ARSB: variants seen among roughly 807,000 people sequenced by gnomAD.
ARSB encodes the protein N-acetylgalactosamine-4-sulfatase.
In ARSB, 41 loss-of-function variants were observed where a neutral mutation model predicts 50.9. That is an observed-to-expected ratio of 0.81 (90% CI 0.63 to 1.04). ARSB has a LOEUF of 1.04. Among genes scored for constraint, ARSB ranks in the 50% least tolerant of loss-of-function variants. ARSB has a pLI of 0.00. For missense variants in ARSB, 672 were observed against 693.3 expected (o/e 0.97, Z 0.35); for synonymous variants, 269 against 284.8 (o/e 0.94, Z 0.56).
intron 6 of ARSB, among the ~76,000 whole-genome samples, chr5:78,790,583 T>C (rs778825982): frequency 6.6e-5 from 10 of 152,220 alleles, no homozygotes; most frequent in Non-Finnish European, 1.2e-4. Flanking sequence ...TAATATCTAA[T>C]ACTTAAATAC....
intron 3 of ARSB, among the ~76,000 whole-genome samples, chr5:78,955,769 A>C (rs1236959079): frequency 6.6e-6 from 1 of 152,178 alleles, no homozygotes; most frequent in African/African-American, 2.4e-5. Context: ...AAAGGCAATA[A>C]ACACATGTAA....
intron 5 of ARSB, among the ~76,000 whole-genome samples, chr5:78,841,553 C>G (rs55875730): frequency 0.14 from 20,803 of 152,060 alleles, 1,493 homozygotes; most frequent in Middle Eastern, 0.2. Context: ...AGGTTGAAAA[C>G]TCAAAAATTT....
chr5:78,942,875 T>TGG (rs758566251), intron 4 of ARSB, among the ~76,000 whole-genome samples: 2 of 152,296 alleles, frequency 1.3e-5, no homozygotes, highest in Non-Finnish European at 2.9e-5. Flanking sequence ...ATGTTAACAG[T>TGG]GGGGTGTTAA....
intron 1 of ARSB, among the ~76,000 whole-genome samples, chr5:78,969,724 C>T (rs761999984): frequency 6.6e-6 from 1 of 152,168 alleles, no homozygotes; most frequent in African/African-American, 2.4e-5. Flanking sequence ...TCAAGTGATT[C>T]TCCTGCCTCA....
intron 5 of ARSB, among the ~76,000 whole-genome samples, chr5:78,850,881 T>C (rs1042792357): frequency 1.3e-5 from 2 of 152,236 alleles, no homozygotes; most frequent in Non-Finnish European, 2.9e-5. Context: ...TGGTAGTTTG[T>C]ATTTCTGTGG....
intron 5 of ARSB, among the ~76,000 whole-genome samples, chr5:78,857,694 T>A (rs1307006328): frequency 6.6e-6 from 1 of 152,130 alleles, no homozygotes; most frequent in Non-Finnish European, 1.5e-5. Context: ...TTTACCCCCA[T>A]CCCAGCACAT....
intron 1 of ARSB, among the ~76,000 whole-genome samples, chr5:78,970,030 A>G (rs1171708156): frequency 1.3e-5 from 2 of 152,244 alleles, no homozygotes; most frequent in African/African-American, 4.8e-5. Flanking sequence ...CGGCCATCTG[A>G]CTGCTGCTTG....
intron 6 of ARSB, among the ~76,000 whole-genome samples, chr5:78,787,091 C>CATCTATCTATCT (rs143701672): frequency 0.046 from 5,848 of 128,006 alleles, 134 homozygotes; most frequent in South Asian, 0.097. Context: ...AATCGATAAC[C>CATCTATCTATCT]ATCTATCTAT....
chr5:78,830,706 T>A (rs545130920), intron 6 of ARSB, among the ~76,000 whole-genome samples: 4 of 152,312 alleles, frequency 2.6e-5, no homozygotes, highest in African/African-American at 9.6e-5. Context: ...CAGACTTTAG[T>A]GCTCCCCAAA....
intron 4 of ARSB, among the ~76,000 whole-genome samples, chr5:78,919,204 A>G (rs1018168583): frequency 6.6e-6 from 1 of 152,224 alleles, no homozygotes; most frequent in Non-Finnish European, 1.5e-5. Flanking sequence ...TGTGACCCAC[A>G]CTGGAGAATG....
intron 5 of ARSB, among the ~76,000 whole-genome samples, chr5:78,860,320 A>G (rs112780701): frequency 0.025 from 3,849 of 152,262 alleles, 111 homozygotes; most frequent in South Asian, 0.11. Flanking sequence ...TATTGGGTGC[A>G]TATATATTTA....
intron 5 of ARSB, among the ~76,000 whole-genome samples, chr5:78,867,805 G>A (rs1325672800): frequency 6.6e-6 from 1 of 151,176 alleles, no homozygotes; most frequent in Non-Finnish European, 1.5e-5. Context: ...GAACAAAGCT[G>A]GATGGAGAAT....
rs1752891409 is a variant in ARSB at position 78,981,246 on chromosome 5, G to GAGTGTAGAGA, written c.312+3690_312+3691insTCTCTACACT. Among the ~76,000 whole-genome samples, 3 of 4,664 alleles carry GAGTGTAGAGA rather than the reference G, an allele frequency of 6.4e-4. 1 individual carries two copies. Among genetic ancestry groups the GAGTGTAGAGA allele is most frequent in the Admixed American group, 2.9e-3 (1 of 348 alleles). The allele number at this position is 4,664 out of a possible 152,430, so 3.1% of individuals were successfully genotyped here. ...ATTACAGGCGTGAGCCACCGCGCCC[G>GAGTGTAGAGA]GCCGAATTTCTAGTTCTTGAATTTA... On this transcript the variant is annotated intron_variant, in intron 1 of 7. Transcript: ENST00000264914.
Position 78,952,327 on chromosome 5 carries a change from CTTCTTTCT to C in ARSB, c.898+2960_898+2967del, listed in dbSNP as rs141893659. 7.3e-5 allele frequency among the ~76,000 whole-genome samples: 11 copies of C among 150,670 alleles called. No homozygotes were observed. In the East Asian group the frequency reaches 7.8e-4, roughly 11 times the overall value. On this transcript the variant is annotated intron_variant, in intron 4 of 7. Coordinates refer to ENST00000264914, the MANE Select transcript of ARSB (RefSeq NM_000046.5). ...TGTATTCCACCTCTTCCCATGCACT[CTTCTTTCT>C]TTCTTTCTTTCTTTCTTTTGAAACA...
At chr5:78,810,444 A>C (rs1743765042) in intron 6 of ARSB, among the ~76,000 whole-genome samples, 1 of 152,204 alleles carries the variant, frequency 6.6e-6, no homozygotes, top group African/African-American at 2.4e-5. Flanking sequence ...CTTTGGAAAG[A>C]GATTGTCTAG....
intron 2 of ARSB, among the ~76,000 whole-genome samples, chr5:78,965,624 T>C (rs947310594): frequency 6.6e-6 from 1 of 152,212 alleles, no homozygotes; most frequent in Non-Finnish European, 1.5e-5. Flanking sequence ...TTGTATGATA[T>C]GTGAATTATA....
At chr5:78,971,349 C>T (rs938814581) in intron 1 of ARSB, among the ~76,000 whole-genome samples, 14 of 152,234 alleles carry the variant, frequency 9.2e-5, no homozygotes, top group Middle Eastern at 3.4e-3. Context: ...AACTCTGCAC[C>T]AGACACCAGC....
At chr5:78,982,069 G>A (rs1195801785) in intron 1 of ARSB, among the ~76,000 whole-genome samples, 3 of 88,618 alleles carry the variant, frequency 3.4e-5, no homozygotes, top group Non-Finnish European at 5.0e-5. Flanking sequence ...GACTACAGGC[G>A]CCCGCCACCG....
chr5:78,839,290 C>A (rs974390893), intron 6 of ARSB, 66 bp downstream of exon 6: 17 of 1,449,508 alleles, frequency 1.2e-5, no homozygotes, highest in Admixed American at 1.0e-4. Flanking sequence ...TAGAGACACA[C>A]TAGGTAATCA....
Sources: allele counts gnomAD v4.1 joint callset (sites outside exome capture counted in the v4.1 genomes callset), GRCh38; gene constraint gnomAD v4.1.1; transcripts MANE v1.5; gene names NCBI Gene and HGNC (gene_info 2026-07-23, HGNC 2026-07-21).